Variants in LRP1B observed in about 807,000 individuals in gnomAD.
LRP1B encodes LDL receptor related protein 1B.
LRP1B carries 217 observed loss-of-function variants against 556.6 expected under a neutral mutation model. That is an observed-to-expected ratio of 0.39 (90% CI 0.35 to 0.44). The LOEUF is 0.44. Among genes scored for constraint, LRP1B ranks in the 20% least tolerant of loss-of-function variants. LRP1B has a pLI of 1.00. For missense variants in LRP1B, 5,053 were observed against 5,620.8 expected, an observed-to-expected ratio of 0.90 and a Z score of 3.23; for synonymous variants, 2,047 against 1,865.8, an observed-to-expected ratio of 1.10 and a Z score of -2.50.
chr2:141,505,677 T>G (rs1011858020), intron 2 of LRP1B, among the ~76,000 whole-genome samples: 2 of 152,060 alleles, frequency 1.3e-5, no homozygotes, highest in African/African-American at 4.8e-5. Context: ...GCTTTTGAAA[T>G]GGACAAAATA....
chr2:140,817,251 C>A (rs753139034), intron 31 of LRP1B, among the ~76,000 whole-genome samples: 1 of 151,830 alleles, frequency 6.6e-6, no homozygotes, highest in Non-Finnish European at 1.5e-5. Flanking sequence ...ACATATTTAA[C>A]TAATTTTTGA....
At chr2:140,387,534 T>G (rs879905008) in intron 66 of LRP1B, among the ~76,000 whole-genome samples, 6 of 152,184 alleles carry the variant, frequency 3.9e-5, no homozygotes, top group Non-Finnish European at 7.3e-5. Flanking sequence ...CAGCAACATT[T>G]TATTAGAGAA....
chr2:140,673,182 T>A (rs2105362829), intron 41 of LRP1B, among the ~76,000 whole-genome samples: 1 of 152,310 alleles, frequency 6.6e-6, no homozygotes, highest in Non-Finnish European at 1.5e-5. Flanking sequence ...CACATCAACA[T>A]CTTGCTTGGA....
chr2:141,225,968 G>A (rs1043491845), intron 6 of LRP1B, among the ~76,000 whole-genome samples: 12 of 151,862 alleles, frequency 7.9e-5, no homozygotes, highest in African/African-American at 2.7e-4. Context: ...ACTAATATTC[G>A]TAGACCTAAT....
intron 18 of LRP1B, among the ~76,000 whole-genome samples, chr2:140,966,115 T>C (rs970698155): frequency 3.3e-5 from 5 of 152,326 alleles, no homozygotes; most frequent in African/African-American, 1.2e-4. Flanking sequence ...TTCTAGATCC[T>C]TGAGGAATCA....
chr2:140,444,737 CAT>C, intron 63 of LRP1B, 58 bp from the exon 64 acceptor site: 1 of 1,001,216 alleles, frequency 1.0e-6, no homozygotes, highest in East Asian at 2.4e-5. Flanking sequence ...ACTTCTTAAA[CAT>C]AGAGTTTCTG....
intron 16 of LRP1B, 56 bp from the exon 17 acceptor site, chr2:140,989,713 A>G (rs1275143159): frequency 3.8e-6 from 6 of 1,566,120 alleles, no homozygotes; most frequent in Non-Finnish European, 5.3e-6. Context: ...AGTTGTGAAT[A>G]TTTTGAATGA....
chr2:140,512,540 C>A (rs1302755699), intron 51 of LRP1B, among the ~76,000 whole-genome samples: 1 of 152,078 alleles, frequency 6.6e-6, no homozygotes, highest in Non-Finnish European at 1.5e-5. Context: ...TATTTTGGAA[C>A]CTGAATTCTG....
intron 70 of LRP1B, 88 bp from the exon 71 acceptor site, chr2:140,370,930 A>T (rs1682966980): frequency 7.3e-7 from 1 of 1,372,330 alleles, no homozygotes; most frequent in Non-Finnish European, 1.0e-6. Flanking sequence ...GTAATACTAG[A>T]GCTTTATTAT....
chr2:141,615,031 T>G (rs1467901022), intron 2 of LRP1B, among the ~76,000 whole-genome samples: 1 of 152,136 alleles, frequency 6.6e-6, no homozygotes, highest in South Asian at 2.1e-4. Context: ...AAAAGACTGT[T>G]GATAGAAACA....
intron 7 of LRP1B, among the ~76,000 whole-genome samples, chr2:141,090,570 T>C (rs918005871): frequency 1.3e-5 from 2 of 152,220 alleles, no homozygotes; most frequent in African/African-American, 4.8e-5. Context: ...TCTACATTTC[T>C]CTTATGCAGA....
At chr2:141,692,689 G>A (rs1049073262) in intron 2 of LRP1B, among the ~76,000 whole-genome samples, 1 of 151,918 alleles carries the variant, frequency 6.6e-6, no homozygotes, top group African/African-American at 2.4e-5. Flanking sequence ...TTGCCATTGT[G>A]CAAACGTCAT....
At chr2:141,814,121 G>T (rs567052482) in intron 1 of LRP1B, among the ~76,000 whole-genome samples, 2 of 152,100 alleles carry the variant, frequency 1.3e-5, no homozygotes, top group Non-Finnish European at 2.9e-5. Flanking sequence ...CAGAAAGATA[G>T]GTATATGTAA....
rs1402645338 is a variant in LRP1B, at chr2:141,274,545, G to C, written c.344-19904C>G. Among the ~76,000 whole-genome samples the C allele has an allele frequency of 2.0e-5, 3 of 152,028 alleles. No homozygotes were observed. In the East Asian group the frequency reaches 5.8e-4, roughly 29 times the overall value. On this transcript the variant is annotated intron_variant, in intron 3 of 90. Coordinates refer to ENST00000389484, the MANE Select transcript of LRP1B (RefSeq NM_018557.3). ...TAGAATGGTTGTTCCTAGTACTGGG[G>C]GATATTGTGGGAAAATGAGGAGTGA...
chr2:141,923,506 GGA>G (rs753020599), intron 1 of LRP1B, among the ~76,000 whole-genome samples: 6 of 135,542 alleles, frequency 4.4e-5, no homozygotes, highest in African/African-American at 1.1e-4. Context: ...GGAGGGAGGG[GGA>G]GAGAGAGAGA....
rs758768687 is a variant in LRP1B at position 141,062,290 on chromosome 2, A to G, written c.1014-17T>C. 6.3e-7 allele frequency: 1 copy of G among 1,579,726 alleles called. No individual in the cohort carries two copies. Among genetic ancestry groups the G allele is most frequent in the African/African-American group, 1.4e-5 (1 of 74,056 alleles). On this transcript the variant is annotated splice_polypyrimidine_tract_variant and intron_variant, in intron 7 of 90. Coordinates refer to ENST00000389484, the MANE Select transcript of LRP1B (RefSeq NM_018557.3). ...AAAAGTTTTCTGTTGAAAGAAAACT[A>G]AATGTTAAAGTGGAGGGTGGGGGAG...
intron 32 of LRP1B, among the ~76,000 whole-genome samples, chr2:140,792,415 T>C (rs1690154534): frequency 6.6e-6 from 1 of 152,186 alleles, no homozygotes; most frequent in Non-Finnish European, 1.5e-5. Flanking sequence ...TCGGGTCATA[T>C]GTATTTTTAT....
In LRP1B at chr2:141,759,228, G is replaced by A. The variant is rs187071534; in HGVS notation, c.205+51051C>T. On this transcript the variant is annotated intron_variant, in intron 2 of 90. Coordinates refer to ENST00000389484, the MANE Select transcript of LRP1B (RefSeq NM_018557.3). Reference sequence around the variant, plus strand: ...AGTTCATATGAACAGATGGAAAGTAGTAAGAATAAAATTACAAAGAATACA... The same window carrying A: ...AGTTCATATGAACAGATGGAAAGTAATAAGAATAAAATTACAAAGAATACA... Among the ~76,000 whole-genome samples the A allele has an allele frequency of 3.8e-3, 582 of 152,222 alleles. 10 individuals are homozygous for A. Among genetic ancestry groups the A allele is most frequent in the South Asian group, 0.032 (153 of 4,820 alleles).
intron 1 of LRP1B, among the ~76,000 whole-genome samples, chr2:142,081,300 A>T (rs935758952): frequency 6.6e-6 from 1 of 152,198 alleles, no homozygotes; most frequent in Non-Finnish European, 1.5e-5. Flanking sequence ...AATGTAATAT[A>T]AATAATAATT....
Sources: gnomAD v4.1 joint callset for allele counts (sites outside exome capture counted in the v4.1 genomes callset) on GRCh38, gnomAD v4.1.1 for gene constraint, MANE v1.5 for transcripts, NCBI Gene and HGNC (gene_info 2026-07-23, HGNC 2026-07-21) for gene names.